Variants in STON2 observed in about 807,000 individuals in gnomAD.
STON2 encodes the protein stonin-2.
A neutral mutation model predicts 65.7 loss-of-function variants in STON2; 29 were observed. The ratio of observed to expected loss-of-function variants is 0.44; its 90% CI spans 0.33 to 0.60. The LOEUF is 0.60. Ranked by LOEUF, STON2 falls within the 20% of genes least tolerant of loss-of-function variation. The pLI is 0.03. For synonymous variants in STON2, 404 were observed against 414.2 expected, an observed-to-expected ratio of 0.98 and a Z score of 0.30; for missense variants, 1,054 against 1,118.1, an observed-to-expected ratio of 0.94 and a Z score of 0.82.
intron 5 of STON2, among the ~76,000 whole-genome samples, chr14:81,314,585 T>G (rs891927030): frequency 6.6e-6 from 1 of 152,178 alleles, no homozygotes; most frequent in African/African-American, 2.4e-5. Flanking sequence ...CAATCCAAAG[T>G]GACAGTTAAG....
chr14:81,302,112 A>G (rs1303809952), intron 5 of STON2, among the ~76,000 whole-genome samples: 5 of 152,224 alleles, frequency 3.3e-5, no homozygotes, highest in Admixed American at 3.3e-4. Context: ...TAATGGGAGT[A>G]GTAGCCACTC....
chr14:81,371,265 T>A, intron 3 of STON2, 80 bp from the exon 4 acceptor site: 1 of 1,320,318 alleles, frequency 7.6e-7, no homozygotes, highest in Non-Finnish European at 1.1e-6. Flanking sequence ...CTTACTTTGA[T>A]GTTGCTCACA....
At chr14:81,270,242 T>A (rs1451609293) in intron 7 of STON2, 1 of 442,994 alleles carries the variant, frequency 2.3e-6, no homozygotes, top group Admixed American at 6.4e-5. Flanking sequence ...CAGGCCACCA[T>A]GCCCGGCTAA....
rs537731618 is a variant in STON2 at position 81,363,093 on chromosome 14, G to A, written c.571+7895C>T. Among the ~76,000 whole-genome samples, 8 of 152,238 alleles carry A rather than the reference G, an allele frequency of 5.3e-5. No individual in the cohort carries two copies. The South Asian group carries it at 1.7e-3, about 32-fold the overall frequency. On this transcript the variant is annotated intron_variant, in intron 4 of 7. Coordinates refer to ENST00000614646, the MANE Select transcript of STON2 (RefSeq NM_001394390.1). ...CCACAGTATACCAGGCACAGGGCAG[G>A]GTGAGCCCAGGAAAGAGACTTGGGT...
chr14:81,310,114 T>C (rs1191676022), intron 5 of STON2, among the ~76,000 whole-genome samples: 1 of 152,226 alleles, frequency 6.6e-6, no homozygotes, highest in Admixed American at 6.5e-5. Flanking sequence ...AAAATTCATA[T>C]ATATTCTTCT....
upstream of STON2, among the ~76,000 whole-genome samples, chr14:81,403,884 T>C (rs1431609324): frequency 6.6e-6 from 1 of 152,224 alleles, no homozygotes; most frequent in African/African-American, 2.4e-5. Flanking sequence ...TTATCCCCCA[T>C]ATCTTCTGAA....
chr14:81,310,322 T>G (rs12588160), intron 5 of STON2, among the ~76,000 whole-genome samples: 119,749 of 152,098 alleles, frequency 0.79, 47,291 homozygotes, highest in African/African-American at 0.8. Context: ...TTTTGTGATG[T>G]GCCTGCTTGT....
chr14:81,417,225 G>A (rs903151432), intron 2 of STON2, among the ~76,000 whole-genome samples: 8 of 152,038 alleles, frequency 5.3e-5, no homozygotes, highest in Non-Finnish European at 1.0e-4. Flanking sequence ...CACACAATGC[G>A]ACAAAAACCA....
intron 2 of STON2, among the ~76,000 whole-genome samples, chr14:81,424,465 TTC>T (rs1194289629): frequency 7.4e-5 from 11 of 149,114 alleles, no homozygotes; most frequent in Admixed American, 2.0e-4. Flanking sequence ...TTTTTCTGAT[TTC>T]TGTTTTTATT....
At chr14:81,417,822 GTGGGGC>G (rs1459930598) in intron 2 of STON2, among the ~76,000 whole-genome samples, 1 of 152,196 alleles carries the variant, frequency 6.6e-6, no homozygotes, top group African/African-American at 2.4e-5. Flanking sequence ...ACATAAGGGA[GTGGGGC>G]TGGGACGGGG....
At chr14:81,418,053 T>C (rs550816375) in intron 2 of STON2, 61 of 152,374 alleles carry the variant, frequency 4.0e-4, no homozygotes, top group African/African-American at 1.4e-3. Context: ...TGGCAGCATT[T>C]CTAGTGTTCA....
intron 3 of STON2, among the ~76,000 whole-genome samples, chr14:81,379,083 T>C (rs544557930): frequency 4.9e-4 from 75 of 152,294 alleles, no homozygotes; most frequent in African/African-American, 1.8e-3. Flanking sequence ...GAAACATAAC[T>C]GTCATTATTT....
At chr14:81,345,257 G>C (rs1330078397) in intron 4 of STON2, among the ~76,000 whole-genome samples, 1 of 152,172 alleles carries the variant, frequency 6.6e-6, no homozygotes, top group Admixed American at 6.5e-5. Context: ...TGGTACCTCA[G>C]AATTGTGACT....
At position 81,277,019 on chromosome 14, in the gene STON2, G is replaced by A; in HGVS notation, c.2463C>T (p.Gly821=). The change falls in exon 6 of 8, where the codon GGC becomes GGT. Residue 821 remains glycine, a synonymous_variant. Coordinates refer to ENST00000614646, the MANE Select transcript of STON2 (RefSeq NM_001394390.1). ...GCTCAGAGCCAGAAACACTAGTGGA[G>A]CCAAAACTTGCCCCCCGGTTCACTT... ...KAKVNRGASF[G]STSVSGSEPV... 6.2e-7 allele frequency: 1 copy of A among 1,614,236 alleles called. No homozygotes were observed. The highest frequency in any genetic ancestry group is 8.5e-7 in the Non-Finnish European group (1 of 1,180,044).
chr14:81,331,746 A>G (rs1202567391), intron 4 of STON2, among the ~76,000 whole-genome samples: 1 of 152,214 alleles, frequency 6.6e-6, no homozygotes, highest in Non-Finnish European at 1.5e-5. Flanking sequence ...CTCTCCATGC[A>G]GAGCAGCTAA....
chr14:81,267,219 T>G lies in STON2; in HGVS notation c.*1195A>C. 1.0e-6 allele frequency: 1 copy of G among 985,254 alleles called. No individual in the cohort carries two copies. Among genetic ancestry groups the G allele is most frequent in the Non-Finnish European group, 1.2e-6 (1 of 829,864 alleles). The allele number at this position is 985,254 out of a possible 1,614,324, so 61.0% of individuals were successfully genotyped here. A position where few individuals can be genotyped will look rare whatever the true frequency, so the allele number is the denominator to read the frequency against. On this transcript the variant is annotated 3_prime_UTR_variant, in exon 8 of 8. Coordinates refer to ENST00000614646, the MANE Select transcript of STON2 (RefSeq NM_001394390.1). ...GAAGATTAATTGTCCCAGAAACAGA[T>G]GAAGAAAAAGAAGATGGAGTGAGCG... is the stretch of plus-strand genomic sequence containing the variant.
chr14:81,340,736 C>T (rs1242857944), intron 4 of STON2, among the ~76,000 whole-genome samples: 1 of 152,084 alleles, frequency 6.6e-6, no homozygotes, highest in African/African-American at 2.4e-5. Context: ...GACACCAACT[C>T]GCACTAACGG....
chr14:81,423,641 A>C (rs557485509), intron 2 of STON2, among the ~76,000 whole-genome samples: 1 of 152,246 alleles, frequency 6.6e-6, no homozygotes, highest in Admixed American at 6.5e-5. Context: ...TCTTCCCCCA[A>C]CAAAACAGAC....
chr14:81,347,602 G>A, intron 4 of STON2, among the ~76,000 whole-genome samples: 1 of 90,700 alleles, frequency 1.1e-5, no homozygotes, highest in Non-Finnish European at 2.1e-5. Flanking sequence ...TATCAAACTG[G>A]ACAAGAAGAC....
Sources: gnomAD v4.1 joint callset for allele counts (sites outside exome capture counted in the v4.1 genomes callset) on GRCh38, gnomAD v4.1.1 for gene constraint, MANE v1.5 for transcripts, NCBI Gene and HGNC (gene_info 2026-07-23, HGNC 2026-07-21) for gene names.